The following DTX2 variants were observed in gnomAD, a reference collection of about 807,000 sequenced individuals.
The protein encoded by DTX2 is deltex E3 ubiquitin ligase 2, also known as probable E3 ubiquitin-protein ligase DTX2.
Under a neutral mutation model 55.3 loss-of-function variants are expected in DTX2, and 29 were observed. The observed-to-expected ratio is 0.52, with a 90% CI of 0.39 to 0.71. The LOEUF is 0.71. Ranked by LOEUF, DTX2 falls within the 30% of genes least tolerant of loss-of-function variation. The pLI, the probability that DTX2 is intolerant of heterozygous loss-of-function variation, is 0.00. For synonymous variants in DTX2, 276 were observed against 340.4 expected, an observed-to-expected ratio of 0.81 and a Z score of 2.08; for missense variants, 537 against 822.5, an observed-to-expected ratio of 0.65 and a Z score of 4.25.
intron 2 of DTX2, 46 bp from the exon 3 acceptor site, chr7:76,480,375 G>C (rs1025229365): frequency 1.3e-5 from 15 of 1,114,888 alleles, no homozygotes; most frequent in Non-Finnish European, 1.5e-5. Flanking sequence ...ATTCTGCAGG[G>C]CTACTGATGT....
chr7:76,505,739 G>C lies in DTX2; in HGVS notation c.*138G>C. Reference sequence around the variant, plus strand: ...GGGGTGTGCCCCACCTGAAGCCGGGGCTCCCCCTGCCTGCCTCTCTCTCCT... The same window carrying C: ...GGGGTGTGCCCCACCTGAAGCCGGGCCTCCCCCTGCCTGCCTCTCTCTCCT... On this transcript the variant is annotated 3_prime_UTR_variant, in exon 11 of 11. Transcript: ENST00000430490. The surrounding 1 kb of genome is among the most constrained non-coding windows in gnomAD (Gnocchi z 4.4). The C allele has an allele frequency of 1.1e-6, 1 of 896,830 alleles. No homozygotes were observed. Among genetic ancestry groups the C allele is most frequent in the South Asian group, 1.7e-5 (1 of 60,256 alleles). The allele number at this position is 896,830 out of a possible 1,614,324, so 55.6% of individuals were successfully genotyped here.
rs1339380685 is a variant in DTX2 at position 76,503,042 on chromosome 7, C to T, written c.1390-384C>T. 3.8e-5 allele frequency: 10 copies of T among 266,330 alleles called. No individual in the cohort carries two copies. The South Asian group carries it at 4.7e-4, about 13-fold the overall frequency. 16.5% of individuals were successfully genotyped at this position (266,330 alleles called of 1,614,324 possible). The stretch of plus-strand genomic sequence containing the variant: ...AGGCTTAGAGAACCGAGTCATGTGG[C>T]GCATCGGAGCCTGGCTCGGCCTTCC... On this transcript the variant is annotated intron_variant, in intron 8 of 10. Transcript: ENST00000430490.
rs867347582 is a variant in DTX2, at chr7:76,471,338, T to C, written c.-90+7629T>C. On this transcript the variant is annotated intron_variant, in intron 2 of 10. Transcript: ENST00000430490. Reference sequence around the variant, plus strand: ...CACCGCGCCCGGCTAATTTTTTGTATTTTTAGTAGAGACAGGGTTTCACCA... The same window carrying C: ...CACCGCGCCCGGCTAATTTTTTGTACTTTTAGTAGAGACAGGGTTTCACCA... Among the ~76,000 whole-genome samples the C allele has an allele frequency of 5.4e-4, 80 of 149,308 alleles. 1 individual carries two copies. The Middle Eastern group carries it at 0.059, about 110-fold the overall frequency.
chr7:76,463,232 C>T (rs1806793722), intron 1 of DTX2, among the ~76,000 whole-genome samples: 1 of 144,544 alleles, frequency 6.9e-6, no homozygotes, highest in Non-Finnish European at 1.5e-5. Context: ...GAGCCGAGAT[C>T]ACGCCACTGC....
intron 8 of DTX2, among the ~76,000 whole-genome samples, chr7:76,503,175 G>A (rs1811930317): frequency 6.6e-6 from 1 of 152,216 alleles, no homozygotes; most frequent in Admixed American, 6.5e-5. Context: ...TTCTGCTCAG[G>A]ATCCGAGTTT....
intron 4 of DTX2, among the ~76,000 whole-genome samples, chr7:76,489,694 A>AGG: frequency 1.1e-5 from 1 of 92,076 alleles, no homozygotes; most frequent in Non-Finnish European, 2.2e-5. Context: ...GTGGTGGCTC[A>AGG]TGCCTGTAAT....
chr7:76,486,028 A>AAC (rs1473763386), intron 4 of DTX2, among the ~76,000 whole-genome samples: 2 of 69,248 alleles, frequency 2.9e-5, no homozygotes, highest in Non-Finnish European at 5.2e-5. Flanking sequence ...GTCAGGAGGG[A>AAC]ACCAGGCCAG....
chr7:76,468,807 G>C (rs1807507555), intron 2 of DTX2, among the ~76,000 whole-genome samples: 1 of 136,530 alleles, frequency 7.3e-6, no homozygotes, highest in African/African-American at 2.9e-5. Context: ...CTGTTGCCCA[G>C]GCTGGAGTAC....
chr7:76,467,958 C>T (rs1807357720), intron 2 of DTX2, among the ~76,000 whole-genome samples: 1 of 152,286 alleles, frequency 6.6e-6, no homozygotes, highest in Non-Finnish European at 1.5e-5. Flanking sequence ...ATGGCAGGAG[C>T]TGACGGTTTG....
intron 2 of DTX2, among the ~76,000 whole-genome samples, chr7:76,465,262 T>A (rs964597402): frequency 8.3e-5 from 12 of 145,270 alleles, no homozygotes; most frequent in African/African-American, 3.3e-4. Flanking sequence ...GACACGCTGA[T>A]GCACATGGGA....
rs547397112 is a variant in DTX2 at position 76,494,608 on chromosome 7, G to A, written c.1009+2355G>A. Reference sequence around the variant, plus strand: ...TGAGGCTGAAGGTCCTGTCCAGGCTGTGTCCCAAATTGTCCATCCTGTTGT... The same window carrying A: ...TGAGGCTGAAGGTCCTGTCCAGGCTATGTCCCAAATTGTCCATCCTGTTGT... On this transcript the variant is annotated intron_variant, in intron 5 of 10. Coordinates refer to ENST00000430490, the MANE Select transcript of DTX2 (RefSeq NM_001102594.3). 5.3e-5 allele frequency among the ~76,000 whole-genome samples: 5 copies of A among 93,684 alleles called. No homozygotes were observed. The South Asian group carries it at 2.0e-3, about 38-fold the overall frequency. 61.5% of individuals were successfully genotyped at this position (93,684 alleles called of 152,430 possible).
intron 7 of DTX2, chr7:76,501,980 G>A: frequency 2.8e-6 from 1 of 360,788 alleles, no homozygotes; most frequent in Non-Finnish European, 4.9e-6. Context: ...TCTGCCCCCT[G>A]AGTTCAAGCG....
intron 8 of DTX2, chr7:76,502,713 C>T: frequency 3.8e-6 from 2 of 523,380 alleles, no homozygotes; most frequent in Non-Finnish European, 6.8e-6. Flanking sequence ...TCCAGCCAGG[C>T]CTGAGAAGAT....
In DTX2 at chr7:76,505,383, C is replaced by T. The variant is rs1161873842; in HGVS notation, c.1651C>T (p.Leu551Phe). 6.3e-7 allele frequency: 1 copy of T among 1,578,412 alleles called. No individual in the cohort carries two copies. The highest frequency in any genetic ancestry group is 8.6e-7 in the Non-Finnish European group (1 of 1,162,670). The change falls in exon 11 of 11, where the codon CTC becomes TTC. Residue 551 changes from leucine (L) to phenylalanine (F), a missense_variant. Coordinates refer to ENST00000430490, the MANE Select transcript of DTX2 (RefSeq NM_001102594.3). The surrounding 1 kb of genome is among the most constrained non-coding windows in gnomAD (Gnocchi z 4.4). ...CCTCCTCCCCGGGCAGGTCCTAGAG[C>T]TCCTGAAGGTGGCCTGGAAGAGGCG... ...DNAQGRKVLE[L>F]LKVAWKRRLI...
At chr7:76,490,458 C>G (rs1227544475) in intron 4 of DTX2, among the ~76,000 whole-genome samples, 1 of 90,486 alleles carries the variant, frequency 1.1e-5, no homozygotes, top group African/African-American at 4.7e-5. Flanking sequence ...CAGGGTCCCA[C>G]TTTGCTTCCA....
intron 10 of DTX2, 114 bp downstream of exon 10, chr7:76,504,559 G>GAGCAGCGGAGGAC: frequency 9.2e-7 from 1 of 1,091,194 alleles, no homozygotes. Flanking sequence ...AGGCCGGGCC[G>GAGCAGCGGAGGAC]AGTGTCTGCT....
intron 6 of DTX2, among the ~76,000 whole-genome samples, chr7:76,498,858 T>TGC (rs1811261170): frequency 1.2e-5 from 1 of 82,472 alleles, no homozygotes; most frequent in East Asian, 4.0e-4. Flanking sequence ...TGTGTGGAGG[T>TGC]GAGGGTGTGT....
chr7:76,499,374 C>T (rs1280290643), intron 6 of DTX2, among the ~76,000 whole-genome samples: 2 of 149,998 alleles, frequency 1.3e-5, no homozygotes, highest in East Asian at 3.9e-4. Context: ...CTCCACCCCA[C>T]CACGCCACCT....
chr7:76,479,661 G>A (rs1359026549), intron 2 of DTX2, among the ~76,000 whole-genome samples: 1 of 149,274 alleles, frequency 6.7e-6, no homozygotes, highest in Non-Finnish European at 1.5e-5. Context: ...CATGCCTGTA[G>A]TCCTAGCTAC....
Sources: allele counts gnomAD v4.1 joint callset (sites outside exome capture counted in the v4.1 genomes callset), GRCh38; gene constraint gnomAD v4.1.1; non-coding constraint Gnocchi (gnomAD v3.1); transcripts MANE v1.5; gene names NCBI Gene and HGNC (gene_info 2026-07-23, HGNC 2026-07-21).